The following ZMYND11 variants were observed in gnomAD, a reference collection of about 807,000 sequenced individuals.
ZMYND11 encodes zinc finger MYND domain-containing protein 11.
In ZMYND11, 9 loss-of-function variants were observed where a neutral mutation model predicts 84.9. The observed-to-expected ratio is 0.11, with a 90% CI of 0.06 to 0.18. ZMYND11 has a LOEUF of 0.18. ZMYND11 is among the 10% of genes least tolerant of loss of function. The probability of loss-of-function intolerance (pLI) is 1.00; values close to 1 mark genes in which losing one functional copy is unlikely to be tolerated. For synonymous variants in ZMYND11, 250 were observed against 244.1 expected, an observed-to-expected ratio of 1.02 and a Z score of -0.23; for missense variants, 409 against 761.0, an observed-to-expected ratio of 0.54 and a Z score of 5.44.
intron 1 of ZMYND11, among the ~76,000 whole-genome samples, chr10:145,989 C>T (rs1838736506): frequency 1.3e-5 from 2 of 152,018 alleles, no homozygotes; most frequent in African/African-American, 4.8e-5. Context: ...CCTATGGTTT[C>T]TTCTAGAATT....
chr10:212,373 T>G (rs1033254345), intron 3 of ZMYND11, among the ~76,000 whole-genome samples: 5 of 152,138 alleles, frequency 3.3e-5, no homozygotes, highest in East Asian at 1.9e-4. Flanking sequence ...TAATTCTGAT[T>G]GGTTCTTTCT....
intron 4 of ZMYND11, among the ~76,000 whole-genome samples, chr10:222,185 G>A (rs1197555511): frequency 5.3e-5 from 8 of 152,058 alleles, no homozygotes; most frequent in East Asian, 3.8e-4. Context: ...AATAACTTGC[G>A]TAATTTAAGT....
At position 202,755 on chromosome 10, in the gene ZMYND11, C is replaced by T. The variant is rs912966726; in HGVS notation, c.117-7134C>T. On this transcript the variant is annotated intron_variant, in intron 2 of 14. Coordinates refer to ENST00000381604, the MANE Select transcript of ZMYND11 (RefSeq NM_001370100.5). ...TCCCTCAAAGACCAAAGATAGAGAA[C>T]GAAATGACCAGAATGTATTGTTTTC... Among the ~76,000 whole-genome samples the T allele has an allele frequency of 4.6e-5, 7 of 152,188 alleles. No homozygotes were observed. The South Asian group carries it at 6.2e-4, about 14-fold the overall frequency.
chr10:170,431 C>CGTGTGTGTGTGT (rs147441773), intron 1 of ZMYND11, among the ~76,000 whole-genome samples: 3 of 147,712 alleles, frequency 2.0e-5, no homozygotes, highest in African/African-American at 5.0e-5. Flanking sequence ...ATTATGTGTG[C>CGTGTGTGTGTGT]GTGTGTGTGT....
chr10:140,797 G>A (rs546294653), intron 1 of ZMYND11, among the ~76,000 whole-genome samples: 2 of 152,300 alleles, frequency 1.3e-5, no homozygotes, highest in South Asian at 4.1e-4. Flanking sequence ...CACACTATTA[G>A]GTAATTGTGA....
intron 1 of ZMYND11, among the ~76,000 whole-genome samples, chr10:170,593 T>G (rs1295617700): frequency 6.6e-6 from 1 of 152,076 alleles, no homozygotes; most frequent in African/African-American, 2.4e-5. Context: ...TCACTGCCCA[T>G]GAAGCAGTAT....
intron 1 of ZMYND11, among the ~76,000 whole-genome samples, chr10:150,785 C>T (rs1452430288): frequency 6.6e-6 from 1 of 152,224 alleles, no homozygotes; most frequent in Non-Finnish European, 1.5e-5. Context: ...CAGACTGCCT[C>T]CTCAAGTGGG....
intron 9 of ZMYND11, among the ~76,000 whole-genome samples, chr10:241,800 T>G (rs74830311): frequency 0.014 from 2,184 of 152,256 alleles, 46 homozygotes; most frequent in African/African-American, 0.05. Context: ...TGGATGGCCT[T>G]GCTCCAGTCC....
chr10:167,942 T>G (rs1231454113), intron 1 of ZMYND11, among the ~76,000 whole-genome samples: 2 of 152,174 alleles, frequency 1.3e-5, no homozygotes, highest in African/African-American at 4.8e-5. Flanking sequence ...CTTTTTATTT[T>G]GTAAAACTTA....
At chr10:167,417 T>A (rs1468785418) in intron 1 of ZMYND11, among the ~76,000 whole-genome samples, 1 of 152,164 alleles carries the variant, frequency 6.6e-6, no homozygotes, top group African/African-American at 2.4e-5. Context: ...TAAACTGTTT[T>A]GTCAAATTGA....
In ZMYND11 at chr10:252,542, A is replaced by G; in HGVS notation, c.*72A>G. ...CAGCGGTTTTTGTTTCCAAGAAGCC[A>G]AAATTGTTTAGAATTTGCTTCCCAT... On this transcript the variant is annotated 3_prime_UTR_variant, in exon 15 of 15. Coordinates refer to ENST00000381604, the MANE Select transcript of ZMYND11 (RefSeq NM_001370100.5). The surrounding 1 kb of genome is among the most constrained non-coding windows in gnomAD (Gnocchi z 4.6). 6.6e-7 allele frequency: 1 copy of G among 1,525,086 alleles called. No homozygotes were observed. The highest frequency in any genetic ancestry group is 8.8e-7 in the Non-Finnish European group (1 of 1,140,426). 94.5% of individuals were successfully genotyped at this position (1,525,086 alleles called of 1,614,324 possible). A position where few individuals can be genotyped will look rare whatever the true frequency, so the allele number is the denominator to read the frequency against.
At chr10:207,524 T>TA (rs1213950352) in intron 2 of ZMYND11, among the ~76,000 whole-genome samples, 1 of 152,190 alleles carries the variant, frequency 6.6e-6, no homozygotes, top group African/African-American at 2.4e-5. Flanking sequence ...TTTTAATGAC[T>TA]GCCATTCTAA....
intron 3 of ZMYND11, among the ~76,000 whole-genome samples, chr10:218,943 A>G (rs917703890): frequency 2.6e-5 from 4 of 152,150 alleles, no homozygotes; most frequent in African/African-American, 9.7e-5. Flanking sequence ...TTTGAACTTG[A>G]CTTTTGCATG....
chr10:232,923 C>T (rs1949252223), intron 4 of ZMYND11, among the ~76,000 whole-genome samples: 1 of 152,136 alleles, frequency 6.6e-6, no homozygotes, highest in Admixed American at 6.5e-5. Context: ...CGTTAGGGTT[C>T]AAAATAAAAA....
chr10:175,744 A>G (rs186698946), intron 1 of ZMYND11, among the ~76,000 whole-genome samples: 59 of 152,298 alleles, frequency 3.9e-4, no homozygotes, highest in Non-Finnish European at 7.8e-4. Context: ...GTATGGATAA[A>G]CCTAATATAA....
rs1953993845 is a variant in ZMYND11 at position 254,260 on chromosome 10, T to C, written c.*1790T>C. 1 of 152,626 alleles carries C rather than the reference T, an allele frequency of 6.6e-6. No individual in the cohort carries two copies. The highest frequency in any genetic ancestry group is 1.5e-5 in the Non-Finnish European group (1 of 68,042). 9.5% of individuals were successfully genotyped at this position (152,626 alleles called of 1,614,324 possible). Reference sequence around the variant, plus strand: ...TCCAGAGTATGTAATATTTAACTGATAGCTGCATGAAAGTGAGATTCGTGT... The same window carrying C: ...TCCAGAGTATGTAATATTTAACTGACAGCTGCATGAAAGTGAGATTCGTGT... On this transcript the variant is annotated 3_prime_UTR_variant, in exon 15 of 15. Coordinates refer to ENST00000381604, the MANE Select transcript of ZMYND11 (RefSeq NM_001370100.5).
intron 8 of ZMYND11, among the ~76,000 whole-genome samples, chr10:240,554 AAAGGT>A (rs1777434697): frequency 6.6e-6 from 1 of 152,186 alleles, no homozygotes; most frequent in South Asian, 2.1e-4. Context: ...TACATGAGGC[AAAGGT>A]AAGGACTGCT....
chr10:197,943 G>T, intron 2 of ZMYND11: 2 of 646,556 alleles, frequency 3.1e-6, no homozygotes, highest in South Asian at 3.5e-5. Context: ...TTGAACCTAT[G>T]GTGATTTTTA....
chr10:247,560 C>T, intron 12 of ZMYND11, 94 bp downstream of exon 12: 1 of 1,331,126 alleles, frequency 7.5e-7, no homozygotes, highest in Non-Finnish European at 1.1e-6. Flanking sequence ...AAGACAGTCA[C>T]TCTTGGTGGA....
Sources: allele counts gnomAD v4.1 joint callset (sites outside exome capture counted in the v4.1 genomes callset), GRCh38; gene constraint gnomAD v4.1.1; non-coding constraint Gnocchi (gnomAD v3.1); transcripts MANE v1.5; gene names NCBI Gene and HGNC (gene_info 2026-07-23, HGNC 2026-07-21).